Variants in CACYBP observed in about 807,000 individuals in gnomAD.
CACYBP encodes calcyclin binding protein.
In CACYBP, 11 loss-of-function variants were observed where a neutral mutation model predicts 29.6. The observed-to-expected ratio is 0.37, with a 90% CI of 0.23 to 0.61. The LOEUF (loss-of-function observed/expected upper bound fraction) is 0.61. Ranked by LOEUF, CACYBP falls within the 20% of genes least tolerant of loss-of-function variation. The pLI, the probability that CACYBP is intolerant of heterozygous loss-of-function variation, is 0.65. For synonymous variants in CACYBP, 73 were observed against 88.3 expected (o/e 0.83, Z 0.97); for missense variants, 163 against 260.7 (o/e 0.63, Z 2.58).
At chr1:175,000,449 C>A in intron 1 of CACYBP, 2 of 1,378,498 alleles carry the variant, frequency 1.5e-6, no homozygotes, top group Non-Finnish European at 1.9e-6. Context: ...TCCGTGCAGG[C>A]GGTGCGGGGA....
chr1:175,006,612 T>C, intron 2 of CACYBP, 133 bp from the exon 3 acceptor site: 1 of 547,836 alleles, frequency 1.8e-6, no homozygotes, highest in Non-Finnish European at 3.3e-6. Flanking sequence ...TTTCTTATAT[T>C]TCAAATTTTT....
At chr1:175,004,933 T>C (rs763423144) in intron 2 of CACYBP, 100 bp downstream of exon 2, 1 of 845,692 alleles carries the variant, frequency 1.2e-6, no homozygotes, top group Admixed American at 1.8e-5. Context: ...TCTGTGTTTT[T>C]GGTGGTTTGG....
intron 1 of CACYBP, among the ~76,000 whole-genome samples, chr1:175,004,123 CCAAT>C (rs1672558839): frequency 1.3e-5 from 2 of 152,116 alleles, no homozygotes; most frequent in African/African-American, 2.4e-5. Flanking sequence ...ATAATGAAGA[CCAAT>C]CAGTGACAGA....
chr1:175,007,724 A>G (rs1223183236), intron 4 of CACYBP, among the ~76,000 whole-genome samples: 1 of 152,232 alleles, frequency 6.6e-6, no homozygotes, highest in African/African-American at 2.4e-5. Context: ...GCTTAAATTA[A>G]TGCTAGTGTT....
chr1:175,009,963 T>C lies in CACYBP; in HGVS notation c.571T>C (p.Leu191=), dbSNP rs772675056. 21 of 1,613,122 alleles carry C rather than the reference T, an allele frequency of 1.3e-5. No homozygotes were observed. Among genetic ancestry groups the C allele is most frequent in the Non-Finnish European group, 1.7e-5 (20 of 1,179,314 alleles). ...YDTETDPSEG[L]MNVLKKIYED... ...CACTGAAACAGATCCTAGTGAGGGA[T>C]TGATGAATGTTCTAAAGAAAATTTA... The change falls in exon 6 of 6, where the codon TTG becomes CTG. Residue 191 remains leucine, a synonymous_variant. Transcript: ENST00000367679.
Position 175,000,039 on chromosome 1 carries a change from C to T in CACYBP, c.-142C>T, listed in dbSNP as rs1313158584. ...GTGCGGGAGGCGGGCCGCGATCTTG[C>T]GCAGGGTCGGTGTGGGCGCAGGCTG... On this transcript the variant is annotated 5_prime_UTR_variant, in exon 1 of 6. Coordinates refer to ENST00000367679, the MANE Select transcript of CACYBP (RefSeq NM_014412.3). 9 of 1,221,384 alleles carry T rather than the reference C, an allele frequency of 7.4e-6. No homozygotes were observed. Among genetic ancestry groups the T allele is most frequent in the African/African-American group, 3.1e-5 (2 of 64,486 alleles). The allele number at this position is 1,221,384 out of a possible 1,614,324, so 75.7% of individuals were successfully genotyped here. A position where few individuals can be genotyped will look rare whatever the true frequency, so the allele number is the denominator to read the frequency against.
At chr1:175,006,190 T>C in intron 2 of CACYBP, among the ~76,000 whole-genome samples, 1 of 152,178 alleles carries the variant, frequency 6.6e-6, no homozygotes, top group East Asian at 1.9e-4. Context: ...TGATAATACA[T>C]ACTGAAATGG....
Position 175,000,060 on chromosome 1 carries a change from G to C in CACYBP, c.-121G>C. The C allele has an allele frequency of 7.2e-7, 1 of 1,387,094 alleles. No homozygotes were observed. Among genetic ancestry groups the C allele is most frequent in the Non-Finnish European group, 1.0e-6 (1 of 1,000,712 alleles). The allele number at this position is 1,387,094 out of a possible 1,614,324, so 85.9% of individuals were successfully genotyped here. ...CTTGCGCAGGGTCGGTGTGGGCGCA[G>C]GCTGCAGCGCCGCGACTCGTGCGGG... On this transcript the variant is annotated 5_prime_UTR_variant, in exon 1 of 6. Transcript: ENST00000367679.
upstream of CACYBP, chr1:174,999,798 A>C (rs1672413239): frequency 2.7e-6 from 1 of 373,394 alleles, no homozygotes; most frequent in Non-Finnish European, 4.9e-6. Context: ...GGCGGAGAGC[A>C]AGACATTACT....
At chr1:175,004,345 T>C (rs182155048) in intron 1 of CACYBP, among the ~76,000 whole-genome samples, 46 of 152,356 alleles carry the variant, frequency 3.0e-4, no homozygotes, top group Admixed American at 2.9e-3. Flanking sequence ...GTAAATATTT[T>C]AAAACATAAA....
Position 175,011,570 on chromosome 1 carries a change from C to T in CACYBP, c.*1491C>T, listed in dbSNP as rs1445815323. The T allele has an allele frequency of 6.6e-6, 1 of 152,078 alleles. No individual in the cohort carries two copies. The highest frequency in any genetic ancestry group is 1.5e-5 in the Non-Finnish European group (1 of 68,014). The allele number at this position is 152,078 out of a possible 1,614,324, so 9.4% of individuals were successfully genotyped here. A position where few individuals can be genotyped will look rare whatever the true frequency, so the allele number is the denominator to read the frequency against. On this transcript the variant is annotated 3_prime_UTR_variant, in exon 6 of 6. Transcript: ENST00000367679. ...AATGTTTATAGGACAAGAAAAACCC[C>T]ACCATAACCCAAGGCAAACAATGTA...
intron 5 of CACYBP, 175 bp downstream of exon 5, chr1:175,008,881 G>A: frequency 1.7e-6 from 1 of 577,460 alleles, no homozygotes; most frequent in Middle Eastern, 4.6e-4. Flanking sequence ...TGGCTCTTTA[G>A]TGTGGTTCTT....
At chr1:175,009,862 G>T (rs895110489) in intron 5 of CACYBP, 61 bp from the exon 6 acceptor site, 3 of 1,368,186 alleles carry the variant, frequency 2.2e-6, no homozygotes, top group African/African-American at 2.9e-5. Flanking sequence ...TTAACAACCT[G>T]AATGATAGTA....
rs1672721348 is a variant in CACYBP at position 175,010,491 on chromosome 1, A to G, written c.*412A>G. On this transcript the variant is annotated 3_prime_UTR_variant, in exon 6 of 6. Coordinates refer to ENST00000367679, the MANE Select transcript of CACYBP (RefSeq NM_014412.3). Reference sequence around the variant, plus strand: ...AGTAAAACCTGAAGTTTTGCATAAAATGCAAATCGGTGCCTGTGCTTGAAG... The same window carrying G: ...AGTAAAACCTGAAGTTTTGCATAAAGTGCAAATCGGTGCCTGTGCTTGAAG... The G allele has an allele frequency of 6.5e-6, 1 of 154,748 alleles. No individual in the cohort carries two copies. The highest frequency in any genetic ancestry group is 6.5e-5 in the Admixed American group (1 of 15,458). The allele number at this position is 154,748 out of a possible 1,614,324, so 9.6% of individuals were successfully genotyped here.
At chr1:174,999,930 TG>T, upstream of CACYBP, 1 of 528,852 alleles carries the variant, frequency 1.9e-6, no homozygotes, top group Non-Finnish European at 3.2e-6. Flanking sequence ...CGAGGAAGGG[TG>T]GGTGGAGCCA....
Position 175,008,705 on chromosome 1 carries a change from G to C in CACYBP, c.529G>C (p.Glu177Gln), listed in dbSNP as rs1324333435. The change falls in exon 5 of 6, where the codon GAG (glutamate) becomes CAG (glutamine). Residue 177 changes from glutamate to glutamine, a missense_variant and splice_region_variant. By Grantham distance (29) the Glu-to-Gln change is conservative. Transcript: ENST00000367679. ...TQVEKECKEK[E>Q]KPSYDTETDP... The stretch of plus-strand genomic sequence containing the variant: ...GGTTGAAAAGGAGTGCAAAGAAAAA[G>C]AGTGAGTCTACTTCCATTTTTTTAA... 4.9e-6 allele frequency: 7 copies of C among 1,437,108 alleles called. No homozygotes were observed. In the East Asian group the frequency reaches 1.1e-4, roughly 23 times the overall value. 89.0% of individuals were successfully genotyped at this position (1,437,108 alleles called of 1,614,324 possible). A position where few individuals can be genotyped will look rare whatever the true frequency, so the allele number is the denominator to read the frequency against.
Position 175,010,826 on chromosome 1 carries a change from T to G in CACYBP, c.*747T>G, listed in dbSNP as rs1672731817. 6.6e-6 allele frequency: 1 copy of G among 152,230 alleles called. No homozygotes were observed. Among genetic ancestry groups the G allele is most frequent in the Non-Finnish European group, 1.5e-5 (1 of 68,040 alleles). 9.4% of individuals were successfully genotyped at this position (152,230 alleles called of 1,614,324 possible). A position where few individuals can be genotyped will look rare whatever the true frequency, so the allele number is the denominator to read the frequency against. On this transcript the variant is annotated 3_prime_UTR_variant, in exon 6 of 6. Transcript: ENST00000367679. ...AGAACAGTTTTATGATTTATTTGTC[T>G]AGGAGTATGTCAGAAAAATCAGGCT...
At chr1:175,003,118 ATT>A (rs11288938) in intron 1 of CACYBP, among the ~76,000 whole-genome samples, 19 of 141,930 alleles carry the variant, frequency 1.3e-4, no homozygotes, top group African/African-American at 2.8e-4. Context: ...GGCAGAGTTG[ATT>A]TTTTTTTTTT....
intron 4 of CACYBP, 128 bp from the exon 5 acceptor site, chr1:175,008,481 T>C (rs1238866833): frequency 2.3e-5 from 13 of 577,562 alleles, no homozygotes; most frequent in African/African-American, 2.1e-4. Context: ...CATACAAGTA[T>C]TACTGGCACC....
Sources: allele counts gnomAD v4.1 joint callset (sites outside exome capture counted in the v4.1 genomes callset), GRCh38; gene constraint gnomAD v4.1.1; transcripts MANE v1.5; gene names NCBI Gene and HGNC (gene_info 2026-07-23, HGNC 2026-07-21).